Variants in CDHR5 observed in about 807,000 individuals in gnomAD.
CDHR5 encodes cadherin-related family member 5.
CDHR5 carries 82 observed loss-of-function variants against 69.5 expected under a neutral mutation model. The observed-to-expected ratio is 1.18, with a 90% CI of 0.99 to 1.42. The LOEUF (loss-of-function observed/expected upper bound fraction) is 1.42, where lower values mean the gene tolerates loss of function less well. Ranked by LOEUF, CDHR5 falls within the 40% of genes most tolerant of loss-of-function variation. The pLI is 0.00. For missense variants in CDHR5, 1,293 were observed against 1,168.9 expected (o/e 1.11, Z -1.55); for synonymous variants, 601 against 510.2 (o/e 1.18, Z -2.40).
In CDHR5 at chr11:619,691, G is replaced by A. The variant is rs201653433; in HGVS notation, c.1169C>T (p.Pro390Leu). 7 of 1,613,270 alleles carry A rather than the reference G, an allele frequency of 4.3e-6. No individual in the cohort carries two copies. Among genetic ancestry groups the A allele is most frequent in the South Asian group, 2.2e-5 (2 of 91,074 alleles). Reference sequence around the variant, plus strand: ...GGATGCACTCTCTACCGAGAACTCCGGGTCCTGAGCCTGGATCCTCAGAGG... The same window carrying A: ...GGATGCACTCTCTACCGAGAACTCCAGGTCCTGAGCCTGGATCCTCAGAGG... ...SQPLRIQAQD[P>L]EFSDLNSAIT... The change falls in exon 10 of 15, where the codon CCG (proline) becomes CTG (leucine). Residue 390 changes from proline (P) to leucine (L), a missense_variant. Coordinates refer to ENST00000397542, the MANE Select transcript of CDHR5 (RefSeq NM_021924.5).
chr11:620,247 CAGGG>C, intron 8 of CDHR5, 45 bp downstream of exon 8: 1 of 1,587,120 alleles, frequency 6.3e-7, no homozygotes, highest in Admixed American at 1.7e-5. Flanking sequence ...GGGATGGAGA[CAGGG>C]ACAGAGGGGG....
rs772988123 is a variant in CDHR5 at position 619,300 on chromosome 11, G to T, written c.1378+6C>A. 7 of 1,595,636 alleles carry T rather than the reference G, an allele frequency of 4.4e-6. No individual in the cohort carries two copies. Among genetic ancestry groups the T allele is most frequent in the Admixed American group, 3.3e-5 (2 of 59,842 alleles). On this transcript the variant is annotated splice_donor_region_variant and intron_variant, in intron 12 of 14. Transcript: ENST00000397542. ...CCTGGGGGCTCACCTGTGGAGGGGG[G>T]CTTACCTGTGGAGGGGGGCTCCTGT...
intron 11 of CDHR5, 37 bp from the exon 12 acceptor site, chr11:619,427 C>CT (rs1233066423): frequency 6.2e-7 from 1 of 1,608,168 alleles, no homozygotes; most frequent in Admixed American, 1.7e-5. Flanking sequence ...CTAGACACAT[C>CT]TTTAAGCCCC....
rs111307862 is a variant in CDHR5, at chr11:617,833, C to A, written c.2119-63G>T. The A allele has an allele frequency of 6.8e-6, 10 of 1,475,350 alleles. No individual in the cohort carries two copies. In the African/African-American group the frequency reaches 1.4e-4, roughly 20 times the overall value. 91.4% of individuals were successfully genotyped at this position (1,475,350 alleles called of 1,614,324 possible). On this transcript the variant is annotated intron_variant, in intron 14 of 14. Transcript: ENST00000397542. ...GTCTCTGCAGCCTTGGCCCTGCACA[C>A]CCTCATTCCACGCTGGACACCCCTC... is the stretch of plus-strand genomic sequence containing the variant.
intron 13 of CDHR5, 67 bp downstream of exon 13, chr11:618,532 C>T: frequency 6.3e-7 from 1 of 1,576,030 alleles, no homozygotes; most frequent in Non-Finnish European, 8.7e-7. Context: ...GTGGACCCTT[C>T]CTACAGCGTT....
rs1160831281 is a variant in CDHR5 at position 621,508 on chromosome 11, C to T, written c.508-53G>A. The T allele has an allele frequency of 6.3e-7, 1 of 1,593,252 alleles. No homozygotes were observed. Among genetic ancestry groups the T allele is most frequent in the Non-Finnish European group, 8.6e-7 (1 of 1,161,418 alleles). On this transcript the variant is annotated intron_variant, in intron 5 of 14. Coordinates refer to ENST00000397542, the MANE Select transcript of CDHR5 (RefSeq NM_021924.5). This position sits in a 1 kb window ranked among gnomAD's most constrained non-coding sequence, Gnocchi z 4.4. ...TAAGAGCCTTGGAGGGCGAGGGCGG[C>T]TGTGGGTGTCAGAGGCGAGGGGCTC...
chr11:619,631 G>T (rs766317574), intron 10 of CDHR5, 44 bp from the exon 11 acceptor site: 1 of 1,606,480 alleles, frequency 6.2e-7, no homozygotes, highest in East Asian at 2.2e-5. Flanking sequence ...TGCCTCCCAC[G>T]TACAGCCCTG....
In CDHR5 at chr11:617,497, C is replaced by G. The variant is rs1468669253; in HGVS notation, c.2392G>C (p.Gly798Arg). Residue 798 changes from glycine (G) to arginine (R), a missense_variant, in exon 15 of 15, where the codon GGG becomes CGG. Gly to Arg is a moderately radical substitution (Grantham distance 125, BLOSUM62 -2). Transcript: ENST00000397542. ...YKAVWFGEDI[G>R]TEADVVVLNA... ...AGAACGACCACGTCTGCCTCCGTCC[C>G]GATGTCCTCGCCAAACCAGACAGCC... 6.2e-7 allele frequency: 1 copy of G among 1,612,736 alleles called. No individual in the cohort carries two copies. The highest frequency in any genetic ancestry group is 8.5e-7 in the Non-Finnish European group (1 of 1,179,858).
At position 621,054 on chromosome 11, in the gene CDHR5, G is replaced by A. The variant is rs775265814; in HGVS notation, c.789+26C>T. ...CAGCCTGCCTAGAAGGCCCTGCCCC[G>A]TGCACTGCCCCTCCCTCCCCATTAC... On this transcript the variant is annotated intron_variant, in intron 7 of 14. Transcript: ENST00000397542. This position sits in a 1 kb window ranked among gnomAD's most constrained non-coding sequence, Gnocchi z 4.4. 41 of 1,268,008 alleles carry A rather than the reference G, an allele frequency of 3.2e-5. No individual in the cohort carries two copies. Among genetic ancestry groups the A allele is most frequent in the South Asian group, 7.0e-5 (5 of 71,336 alleles). 78.5% of individuals were successfully genotyped at this position (1,268,008 alleles called of 1,614,324 possible).
rs1349083960 is a variant in CDHR5 at position 620,178 on chromosome 11, G to A, written c.881-14C>T. The A allele has an allele frequency of 1.2e-6, 2 of 1,610,802 alleles. No individual in the cohort carries two copies. On this transcript the variant is annotated splice_polypyrimidine_tract_variant and intron_variant, in intron 8 of 14. Coordinates refer to ENST00000397542, the MANE Select transcript of CDHR5 (RefSeq NM_021924.5). Reference sequence around the variant, plus strand: ...CATTCACGTTTCCTGGGAGGATGATGGAAGTGCTCAGCCCCGGCCCCCTGA... The same window carrying A: ...CATTCACGTTTCCTGGGAGGATGATAGAAGTGCTCAGCCCCGGCCCCCTGA...
At position 621,346 on chromosome 11, in the gene CDHR5, C is replaced by G. The variant is rs200871976; in HGVS notation, c.617G>C (p.Arg206Pro). The G allele has an allele frequency of 6.2e-7, 1 of 1,612,816 alleles. No homozygotes were observed. Among genetic ancestry groups the G allele is most frequent in the Non-Finnish European group, 8.5e-7 (1 of 1,179,748 alleles). The change falls in exon 6 of 15, where the codon CGG (arginine) becomes CCG (proline). Residue 206 changes from arginine to proline, a missense_variant and splice_region_variant. Transcript: ENST00000397542. The surrounding 1 kb of genome is among the most constrained non-coding windows in gnomAD (Gnocchi z 4.4). ...RPNMTFWLLV[R>P]DTPGENVEPS... ...TCGGGGCTGGGGTGACCTGCTCACC[C>G]GCACCAGCAGCCAGAAGGTCATGTT...
Position 619,572 on chromosome 11 carries a change from T to A in CDHR5, c.1195A>T (p.Ile399Phe). The A allele has an allele frequency of 6.2e-7, 1 of 1,613,810 alleles. No individual in the cohort carries two copies. The highest frequency in any genetic ancestry group is 1.1e-5 in the South Asian group (1 of 91,082). ...GAGTGGTTGGTAATTCGATATGTGATGGCCGAGTTGAGGTCCTGGACAGGG... is the reference window on the plus strand; with the variant it reads ...GAGTGGTTGGTAATTCGATATGTGAAGGCCGAGTTGAGGTCCTGGACAGGG... ...DPEFSDLNSA[I>F]TYRITNHSHF... is the part of the protein sequence containing the mutation. The change falls in exon 11 of 15, where the codon ATC becomes TTC. Residue 399 changes from isoleucine (I) to phenylalanine (F), a missense_variant. By Grantham distance (21) the Ile-to-Phe change is conservative. Transcript: ENST00000397542.
intron 14 of CDHR5, 81 bp from the exon 15 acceptor site, chr11:617,851 C>T (rs1857056805): frequency 5.4e-6 from 8 of 1,488,028 alleles, no homozygotes; most frequent in Non-Finnish European, 6.3e-6. Context: ...CCACGCTGGA[C>T]ACCCCTCCGT....
chr11:617,713 A>G lies in CDHR5; in HGVS notation c.2176T>C (p.Trp726Arg). The G allele has an allele frequency of 1.4e-6, 2 of 1,460,370 alleles. No homozygotes were observed. The highest frequency in any genetic ancestry group is 1.8e-6 in the Non-Finnish European group (2 of 1,114,354). The allele number at this position is 1,460,370 out of a possible 1,614,324, so 90.5% of individuals were successfully genotyped here. Residue 726 changes from tryptophan to arginine, a missense_variant, in exon 15 of 15, where the codon TGG (tryptophan) becomes CGG (arginine). Coordinates refer to ENST00000397542, the MANE Select transcript of CDHR5 (RefSeq NM_021924.5). Reference protein sequence around the residue: ...QAFLPDHKANWAPVPSPTHDP... With the variant: ...QAFLPDHKANRAPVPSPTHDP... ...TGCGTGGGGCTGGGGACGGGCGCCC[A>G]GTTGGCCTTGTGGTCAGGGAGGAAC... is the stretch of plus-strand genomic sequence containing the variant.
At chr11:620,421 G>C (rs1198277322) in intron 7 of CDHR5, 35 bp from the exon 8 acceptor site, 4 of 1,473,376 alleles carry the variant, frequency 2.7e-6, no homozygotes, top group Non-Finnish European at 3.7e-6. Context: ...CACGTCGTGG[G>C]GCTGGGGTGG....
chr11:622,087 C>A (rs1022122355), intron 3 of CDHR5, among the ~76,000 whole-genome samples, 183 bp from the exon 4 acceptor site: 2 of 151,800 alleles, frequency 1.3e-5, no homozygotes, highest in African/African-American at 2.4e-5. Flanking sequence ...CACCCCTCAA[C>A]GGCCACCCGT....
Position 621,181 on chromosome 11 carries a change from C to A in CDHR5, c.688G>T (p.Ala230Ser). Residue 230 changes from alanine to serine, a missense_variant, in exon 7 of 15, where the codon GCC (alanine) becomes TCC (serine). Ala to Ser is a moderately conservative substitution (Grantham distance 99). Coordinates refer to ENST00000397542, the MANE Select transcript of CDHR5 (RefSeq NM_021924.5). The surrounding 1 kb of genome is among the most constrained non-coding windows in gnomAD (Gnocchi z 4.4). ...AGGAACCACGGGGGCCGCAGGTCGG[C>A]GGGCACCACGTTCAGCACTAGTGTG... is the stretch of plus-strand genomic sequence containing the variant. ...TATLVLNVVP[A>S]DLRPPWFLPC... The A allele has an allele frequency of 1.2e-6, 2 of 1,605,364 alleles. No individual in the cohort carries two copies. The highest frequency in any genetic ancestry group is 1.7e-6 in the Non-Finnish European group (2 of 1,175,552).
At position 619,540 on chromosome 11, in the gene CDHR5, G is replaced by T. The variant is rs547569301; in HGVS notation, c.1227C>A (p.Phe409Leu). 1 of 1,613,884 alleles carries T rather than the reference G, an allele frequency of 6.2e-7. No individual in the cohort carries two copies. Among genetic ancestry groups the T allele is most frequent in the Non-Finnish European group, 8.5e-7 (1 of 1,179,930 alleles). The change falls in exon 11 of 15, where the codon TTC (phenylalanine) becomes TTA (leucine). Residue 409 changes from phenylalanine (F) to leucine (L), a missense_variant. Phe to Leu is a conservative substitution (Grantham distance 22). Transcript: ENST00000397542. ...ITYRITNHSH[F>L]RMEGEVVLTT... ...TCAGCACAACCTCTCCCTCCATCCG[G>T]AAGTGTGAGTGGTTGGTAATTCGAT...
rs770879262 is a variant in CDHR5 at position 619,593 on chromosome 11, C to T, written c.1180-6G>A. 5.6e-5 allele frequency: 90 copies of T among 1,612,214 alleles called. No individual in the cohort carries two copies. Among genetic ancestry groups the T allele is most frequent in the Non-Finnish European group, 7.6e-5 (89 of 1,178,540 alleles). On this transcript the variant is annotated splice_region_variant and splice_polypyrimidine_tract_variant and intron_variant, in intron 10 of 14. Transcript: ENST00000397542. ...GTGATGGCCGAGTTGAGGTCCTGGA[C>T]AGGGTCTCATTGAGTCCCCGGCCAG...
Sources: gnomAD v4.1 joint callset for allele counts (sites outside exome capture counted in the v4.1 genomes callset) on GRCh38, gnomAD v4.1.1 for gene constraint, Gnocchi (gnomAD v3.1) non-coding constraint, MANE v1.5 for transcripts, NCBI Gene and HGNC (gene_info 2026-07-23, HGNC 2026-07-21) for gene names.